TMTC1: variants seen among roughly 807,000 people sequenced by gnomAD.
TMTC1 encodes transmembrane O-mannosyltransferase targeting cadherins 1.
A neutral mutation model predicts 104.8 loss-of-function variants in TMTC1; 73 were observed. That is an observed-to-expected ratio of 0.70 (90% confidence interval 0.58 to 0.85). TMTC1 has a LOEUF of 0.85. Among genes scored for constraint, TMTC1 ranks in the 40% least tolerant of loss-of-function variants. TMTC1 has a pLI of 0.00. For missense variants in TMTC1, 1,035 were observed against 1,096.1 expected (o/e 0.94, Z 0.79); for synonymous variants, 434 against 428.7 (o/e 1.01, Z -0.15).
intron 7 of TMTC1, among the ~76,000 whole-genome samples, chr12:29,599,313 G>C (rs549590118): frequency 2.0e-5 from 3 of 152,154 alleles, no homozygotes; most frequent in Non-Finnish European, 4.4e-5. Flanking sequence ...GTTCAAAAAG[G>C]AGATCTGCAA....
Position 29,572,218 on chromosome 12 carries a change from C to A in TMTC1, c.1419G>T (p.Arg473Ser). Reference protein sequence around the residue: ...EIWLSRESLFRSGVQTLPHNA... With the variant: ...EIWLSRESLFSSGVQTLPHNA... ...TGTGGGGCAGAGTTTGAACTCCAGA[C>A]CTAAAATGAATAAATTTTTAAAAAG... Residue 473 changes from arginine to serine, a missense_variant and splice_region_variant, in exon 9 of 18, where the codon AGG becomes AGT. Coordinates refer to ENST00000539277, the MANE Select transcript of TMTC1 (RefSeq NM_001193451.2). 1 of 1,606,258 alleles carries A rather than the reference C, an allele frequency of 6.2e-7. No individual in the cohort carries two copies. The highest frequency in any genetic ancestry group is 8.5e-7 in the Non-Finnish European group (1 of 1,173,262).
intron 2 of TMTC1, among the ~76,000 whole-genome samples, chr12:29,761,206 C>G (rs1307244529): frequency 6.7e-6 from 1 of 150,358 alleles, no homozygotes; most frequent in Non-Finnish European, 1.5e-5. Flanking sequence ...AGACTGGTAA[C>G]TGTTTCATAC....
intron 9 of TMTC1, among the ~76,000 whole-genome samples, chr12:29,562,692 GCTT>G (rs1203426379): frequency 6.6e-6 from 1 of 152,132 alleles, no homozygotes; most frequent in African/African-American, 2.4e-5. Context: ...TGCTTTAGTT[GCTT>G]TCTTTAAAAA....
intron 5 of TMTC1, among the ~76,000 whole-genome samples, chr12:29,738,617 A>G (rs958522674): frequency 3.3e-5 from 5 of 152,208 alleles, no homozygotes; most frequent in African/African-American, 1.2e-4. Context: ...AGTACAAAAT[A>G]CAACAGCTGC....
intron 10 of TMTC1, among the ~76,000 whole-genome samples, chr12:29,546,848 C>A (rs918745224): frequency 2.0e-5 from 3 of 152,078 alleles, no homozygotes; most frequent in African/African-American, 7.2e-5. Context: ...TATGATCGCA[C>A]CTGTGAATAG....
At position 29,767,022 on chromosome 12, in the gene TMTC1, T is replaced by C. The variant is rs1196120283; in HGVS notation, c.480+876A>G. The stretch of plus-strand genomic sequence containing the variant: ...TGGAGTACAATGGTGCAATCTTGGC[T>C]CACTGCAACCTCCACCTCCTGGGTT... On this transcript the variant is annotated intron_variant, in intron 2 of 17. Coordinates refer to ENST00000539277, the MANE Select transcript of TMTC1 (RefSeq NM_001193451.2). Among the ~76,000 whole-genome samples the C allele has an allele frequency of 4.6e-5, 7 of 151,872 alleles. No homozygotes were observed. In the South Asian group the frequency reaches 1.2e-3, roughly 27 times the overall value.
rs1555180576 is a variant in TMTC1 at position 29,643,434 on chromosome 12, T to TATATATATATATCACATATATGTG, written c.939-10099_939-10098insCACATATATGTGATATATATATAT. ...ATCAACGAGTGGATAAACTGTGATA[T>TATATATATATATCACATATATGTG]ATATATATATATCACATATATATGA... On this transcript the variant is annotated intron_variant, in intron 5 of 17. Coordinates refer to ENST00000539277, the MANE Select transcript of TMTC1 (RefSeq NM_001193451.2). 3.4e-4 allele frequency among the ~76,000 whole-genome samples: 44 copies of TATATATATATATCACATATATGTG among 128,876 alleles called. 1 individual carries two copies. Among genetic ancestry groups the TATATATATATATCACATATATGTG allele is most frequent in the African/African-American group, 4.3e-4 (15 of 35,108 alleles). 84.5% of individuals were successfully genotyped at this position (128,876 alleles called of 152,430 possible). A position where few individuals can be genotyped will look rare whatever the true frequency, so the allele number is the denominator to read the frequency against.
intron 10 of TMTC1, among the ~76,000 whole-genome samples, chr12:29,542,375 G>A (rs144275807): frequency 1.4e-3 from 216 of 152,274 alleles, no homozygotes; most frequent in Non-Finnish European, 2.1e-3. Flanking sequence ...GCAGGTAAGC[G>A]TAAAACTGCT....
intron 5 of TMTC1, among the ~76,000 whole-genome samples, chr12:29,656,515 T>C (rs1240250988): frequency 3.3e-5 from 5 of 151,890 alleles, no homozygotes; most frequent in Non-Finnish European, 5.9e-5. Context: ...CCACCATGCC[T>C]GGTTAATTTT....
At chr12:29,709,025 T>C (rs1018327010) in intron 5 of TMTC1, among the ~76,000 whole-genome samples, 1 of 152,236 alleles carries the variant, frequency 6.6e-6, no homozygotes, top group Non-Finnish European at 1.5e-5. Context: ...CAAGAAAGGA[T>C]ATTGAACAAG....
intron 5 of TMTC1, among the ~76,000 whole-genome samples, chr12:29,642,924 CA>C (rs990368132): frequency 3.1e-4 from 42 of 136,136 alleles, no homozygotes; most frequent in South Asian, 4.7e-4. Flanking sequence ...GACTCCATCT[CA>C]AAAAAAAAAA....
chr12:29,584,368 C>T (rs2136332678), intron 7 of TMTC1, among the ~76,000 whole-genome samples: 1 of 152,018 alleles, frequency 6.6e-6, no homozygotes, highest in East Asian at 1.9e-4. Flanking sequence ...CCCATTAATG[C>T]TGTATGTATT....
chr12:29,725,014 C>CTTTTTTTTTTTT (rs869135481), intron 5 of TMTC1, among the ~76,000 whole-genome samples: 1 of 90,402 alleles, frequency 1.1e-5, no homozygotes, highest in Non-Finnish European at 2.0e-5. Flanking sequence ...CTGCCAAGTT[C>CTTTTTTTTTTTT]TTTTTTTTTT....
At chr12:29,644,162 T>TAA (rs1181655806) in intron 5 of TMTC1, among the ~76,000 whole-genome samples, 23 of 136,612 alleles carry the variant, frequency 1.7e-4, no homozygotes, top group Non-Finnish European at 3.1e-5. Context: ...TATATATATA[T>TAA]AATGAAATAC....
At chr12:29,525,433 G>A (rs1293675742) in intron 11 of TMTC1, among the ~76,000 whole-genome samples, 2 of 151,728 alleles carry the variant, frequency 1.3e-5, no homozygotes, top group African/African-American at 4.8e-5. Flanking sequence ...TGATCCACCC[G>A]CCTTGGCTTC....
intron 1 of TMTC1, among the ~76,000 whole-genome samples, chr12:29,768,775 G>A (rs1481467857): frequency 1.3e-5 from 2 of 152,096 alleles, no homozygotes; most frequent in African/African-American, 4.8e-5. Context: ...CTGTGACAAA[G>A]CAATTAAAAG....
In TMTC1 at chr12:29,783,191, C is replaced by T. The variant is rs1405018670; in HGVS notation, c.302+259G>A. Reference sequence around the variant, plus strand: ...CCCAGCCCTGCCTCGAGAGAGAAGCCCGCTGAGAGGGCAGACAGTTGAGAA... The same window carrying T: ...CCCAGCCCTGCCTCGAGAGAGAAGCTCGCTGAGAGGGCAGACAGTTGAGAA... On this transcript the variant is annotated intron_variant, in intron 1 of 17. Transcript: ENST00000539277. This position sits in a 1 kb window ranked among gnomAD's most constrained non-coding sequence, Gnocchi z 4.7. 1 of 381,548 alleles carries T rather than the reference C, an allele frequency of 2.6e-6. No individual in the cohort carries two copies. Among genetic ancestry groups the T allele is most frequent in the East Asian group, 3.8e-5 (1 of 26,438 alleles). 23.6% of individuals were successfully genotyped at this position (381,548 alleles called of 1,614,324 possible).
intron 6 of TMTC1, among the ~76,000 whole-genome samples, chr12:29,625,323 C>A (rs1377219870): frequency 6.6e-6 from 1 of 152,188 alleles, no homozygotes; most frequent in Non-Finnish European, 1.5e-5. Flanking sequence ...ATTATTCCCA[C>A]TTCGAGAGGT....
At chr12:29,556,001 C>T (rs1363007198) in intron 10 of TMTC1, among the ~76,000 whole-genome samples, 8 of 152,108 alleles carry the variant, frequency 5.3e-5, no homozygotes, top group Non-Finnish European at 8.8e-5. Context: ...TATTACGCTC[C>T]AATTCTGGTC....
Sources: allele counts gnomAD v4.1 joint callset (sites outside exome capture counted in the v4.1 genomes callset), GRCh38; gene constraint gnomAD v4.1.1; non-coding constraint Gnocchi (gnomAD v3.1); transcripts MANE v1.5; gene names NCBI Gene and HGNC (gene_info 2026-07-23, HGNC 2026-07-21).